Variants in ZIM2 observed in about 807,000 individuals in gnomAD.
ZIM2 encodes zinc finger protein 656.
Under a neutral mutation model 38.6 loss-of-function variants are expected in ZIM2, and 14 were observed. The observed-to-expected ratio is 0.36, with a 90% CI of 0.24 to 0.57. ZIM2 has a LOEUF of 0.57. Ranked by LOEUF, ZIM2 falls within the 20% of genes least tolerant of loss-of-function variation. The pLI is 0.81. For missense variants in ZIM2, 680 were observed against 695.1 expected (o/e 0.98, Z 0.24); for synonymous variants, 247 against 245.8 (o/e 1.00, Z -0.04).
At chr19:56,788,335 A>G (rs1173760207) in intron 10 of ZIM2, among the ~76,000 whole-genome samples, 2 of 152,024 alleles carry the variant, frequency 1.3e-5, no homozygotes, top group Non-Finnish European at 2.9e-5. Context: ...CAAAGAATTT[A>G]TTTATTTCTG....
chr19:56,803,423 T>C (rs997241822), intron 9 of ZIM2, among the ~76,000 whole-genome samples: 2 of 152,194 alleles, frequency 1.3e-5, no homozygotes, highest in African/African-American at 4.8e-5. Context: ...CTATGTTCTC[T>C]CCCACTGAAG....
intron 9 of ZIM2, among the ~76,000 whole-genome samples, chr19:56,801,017 C>G (rs575010286): frequency 7.4e-4 from 111 of 150,182 alleles, no homozygotes; most frequent in South Asian, 1.3e-3. Context: ...CTCACTGCAA[C>G]CTCCGCCTCC....
At chr19:56,808,943 G>A (rs1449269182) in intron 9 of ZIM2, among the ~76,000 whole-genome samples, 6 of 152,092 alleles carry the variant, frequency 3.9e-5, no homozygotes, top group South Asian at 2.1e-4. Context: ...GACTGGACAC[G>A]GGGAACCTAT....
chr19:56,806,894 T>G (rs1427990958), intron 9 of ZIM2, among the ~76,000 whole-genome samples: 1 of 152,224 alleles, frequency 6.6e-6, no homozygotes, highest in Admixed American at 6.5e-5. Context: ...ACTCCATATT[T>G]GCTGGCACCT....
chr19:56,816,432 C>G, intron 9 of ZIM2: 1 of 1,614,050 alleles, frequency 6.2e-7, no homozygotes, highest in Non-Finnish European at 8.5e-7. Context: ...TTTTAAGGGA[C>G]TGACCAGGAA....
chr19:56,811,587 G>A (rs2059545607), intron 9 of ZIM2: 4 of 985,296 alleles, frequency 4.1e-6, no homozygotes, highest in Middle Eastern at 5.2e-4. Context: ...GTTGCTTTCT[G>A]AAAAGGGGCT....
chr19:56,806,141 T>C (rs2047747051), intron 9 of ZIM2, among the ~76,000 whole-genome samples: 3 of 152,226 alleles, frequency 2.0e-5, no homozygotes, highest in Non-Finnish European at 4.4e-5. Flanking sequence ...TCAGTGAAGA[T>C]GGGTGATCTT....
At chr19:56,784,001 T>G (rs189700147) in intron 10 of ZIM2, among the ~76,000 whole-genome samples, 4 of 152,348 alleles carry the variant, frequency 2.6e-5, no homozygotes, top group Non-Finnish European at 5.9e-5. Context: ...TATAAACAGT[T>G]AATGACAAAA....
Position 56,774,568 on chromosome 19 carries a change from CTT to C in ZIM2, c.*118_*119del. Reference sequence around the variant, plus strand: ...CAACTTTTTTTTTTTTTTTACCACACTTTGATGAATGTTCAAGTTGTTAACAA... The same window carrying C: ...CAACTTTTTTTTTTTTTTTACCACACTGATGAATGTTCAAGTTGTTAACAA... On this transcript the variant is annotated 3_prime_UTR_variant, in exon 13 of 13. Transcript: ENST00000629319. The C allele has an allele frequency of 7.4e-6, 10 of 1,359,058 alleles. No individual in the cohort carries two copies. The South Asian group carries it at 1.8e-4, about 24-fold the overall frequency. The allele number at this position is 1,359,058 out of a possible 1,614,324, so 84.2% of individuals were successfully genotyped here. A position where few individuals can be genotyped will look rare whatever the true frequency, so the allele number is the denominator to read the frequency against.
At chr19:56,834,793 C>CA (rs1460467421) in intron 2 of ZIM2, among the ~76,000 whole-genome samples, 1 of 152,154 alleles carries the variant, frequency 6.6e-6, no homozygotes, top group Non-Finnish European at 1.5e-5. Context: ...CCACCATAGC[C>CA]ACCTATCTTG....
At chr19:56,805,872 G>T (rs182166512) in intron 9 of ZIM2, among the ~76,000 whole-genome samples, 1 of 152,278 alleles carries the variant, frequency 6.6e-6, no homozygotes, top group East Asian at 1.9e-4. Flanking sequence ...TTTAAATGGA[G>T]GGTATTTAGC....
At position 56,826,413 on chromosome 19, in the gene ZIM2, G is replaced by A. The variant is rs917798223; in HGVS notation, c.-176C>T. On this transcript the variant is annotated 5_prime_UTR_variant, in exon 3 of 13. Transcript: ENST00000629319. ...CTGTCTGGGAACAGGATCCTTTCTG[G>A]AACTTCAGACCAAGCAGCTATCCAC... 6.6e-6 allele frequency: 1 copy of A among 152,222 alleles called. No individual in the cohort carries two copies. Among genetic ancestry groups the A allele is most frequent in the Non-Finnish European group, 1.5e-5 (1 of 68,048 alleles). 9.4% of individuals were successfully genotyped at this position (152,222 alleles called of 1,614,324 possible).
chr19:56,810,123 T>C (rs2048013192), intron 9 of ZIM2: 1 of 960,426 alleles, frequency 1.0e-6, no homozygotes, highest in Non-Finnish European at 1.2e-6. Flanking sequence ...CTATTACAGA[T>C]AGAATGACCA....
At chr19:56,836,597 G>A (rs1235963292) in intron 1 of ZIM2, among the ~76,000 whole-genome samples, 2 of 152,302 alleles carry the variant, frequency 1.3e-5, no homozygotes, top group Non-Finnish European at 2.9e-5. Flanking sequence ...CTGGGGGAAG[G>A]ACCTTCATGA....
At chr19:56,815,799 A>G in intron 9 of ZIM2, 1 of 1,613,600 alleles carries the variant, frequency 6.2e-7, no homozygotes, top group South Asian at 1.1e-5. Flanking sequence ...CCCCTTCACA[A>G]GGGTTCTCTC....
intron 9 of ZIM2, chr19:56,812,322 C>G: frequency 5.1e-6 from 5 of 982,046 alleles, no homozygotes; most frequent in Non-Finnish European, 6.0e-6. Context: ...CAGAAATACT[C>G]TAGGAGAGCT....
chr19:56,796,743 A>G (rs984920226), intron 9 of ZIM2, among the ~76,000 whole-genome samples: 1 of 152,230 alleles, frequency 6.6e-6, no homozygotes, highest in Non-Finnish European at 1.5e-5. Context: ...CGTTGCCAGA[A>G]AAGGGTCTTG....
At chr19:56,813,770 G>C (rs774933914) in intron 9 of ZIM2, 10 of 1,614,128 alleles carry the variant, frequency 6.2e-6, no homozygotes, top group South Asian at 5.5e-5. Context: ...TCATCAGCTT[G>C]ATTGGCACCA....
chr19:56,834,804 G>A (rs2061921423), intron 2 of ZIM2, among the ~76,000 whole-genome samples: 1 of 152,120 alleles, frequency 6.6e-6, no homozygotes, highest in Non-Finnish European at 1.5e-5. Flanking sequence ...ACCTATCTTG[G>A]TAAACACATT....
Sources: gnomAD v4.1 joint callset for allele counts (sites outside exome capture counted in the v4.1 genomes callset) on GRCh38, gnomAD v4.1.1 for gene constraint, MANE v1.5 for transcripts, NCBI Gene and HGNC (gene_info 2026-07-23, HGNC 2026-07-21) for gene names.